WDR70: variants seen among roughly 807,000 people sequenced by gnomAD.
The protein encoded by WDR70 is WD repeat-containing protein 70.
Under a neutral mutation model 88.6 loss-of-function variants are expected in WDR70, and 53 were observed. The observed-to-expected ratio is 0.60, with a 90% confidence interval of 0.48 to 0.75. The LOEUF (loss-of-function observed/expected upper bound fraction) is 0.75, where lower values mean the gene tolerates loss of function less well. Among genes scored for constraint, WDR70 ranks in the 30% least tolerant of loss-of-function variants. WDR70 has a pLI of 0.00. For missense variants in WDR70, 610 were observed against 823.2 expected, an observed-to-expected ratio of 0.74 and a Z score of 3.17; for synonymous variants, 280 against 270.0, an observed-to-expected ratio of 1.04 and a Z score of -0.36.
intron 17 of WDR70, among the ~76,000 whole-genome samples, chr5:37,734,965 G>A (rs544433260): frequency 6.6e-6 from 1 of 152,196 alleles, no homozygotes; most frequent in South Asian, 2.1e-4. Context: ...AAAATTTTGT[G>A]TATTTTTCTT....
chr5:37,462,802 A>C (rs1739046987), intron 7 of WDR70, among the ~76,000 whole-genome samples: 1 of 151,900 alleles, frequency 6.6e-6, no homozygotes, highest in Non-Finnish European at 1.5e-5. Flanking sequence ...AGGTGTCTTT[A>C]TGTATATTAT....
chr5:37,539,078 C>G (rs490035), intron 9 of WDR70, among the ~76,000 whole-genome samples: 4,413 of 152,252 alleles, frequency 0.029, 226 homozygotes, highest in African/African-American at 0.1. Flanking sequence ...AAGGGTTTTT[C>G]TATTACATAC....
At position 37,382,530 on chromosome 5, in the gene WDR70, GC is replaced by G. The variant is rs1160020564; in HGVS notation, c.175+851del. ...CGGTTCAAGCAATTTTCCTGCCTCA[GC>G]CCCCCAGGTAGCTGGGACTACAGGT... On this transcript the variant is annotated intron_variant, in intron 3 of 17. Transcript: ENST00000265107. 2.2e-4 allele frequency among the ~76,000 whole-genome samples: 34 copies of G among 151,722 alleles called. No individual in the cohort carries two copies. The East Asian group carries it at 6.6e-3, about 30-fold the overall frequency.
intron 9 of WDR70, among the ~76,000 whole-genome samples, chr5:37,572,738 T>C (rs1742944595): frequency 6.6e-6 from 1 of 152,196 alleles, no homozygotes; most frequent in South Asian, 2.1e-4. Flanking sequence ...TGAGTTCAAA[T>C]CACCATCAGT....
chr5:37,461,371 TGG>T (rs1738998400), intron 7 of WDR70, among the ~76,000 whole-genome samples: 1 of 152,042 alleles, frequency 6.6e-6, no homozygotes, highest in African/African-American at 2.4e-5. Context: ...TTGTGGCCAG[TGG>T]AATGTGTCTG....
chr5:37,636,040 G>T (rs1013210723), intron 10 of WDR70, among the ~76,000 whole-genome samples: 7 of 152,190 alleles, frequency 4.6e-5, no homozygotes, highest in African/African-American at 1.7e-4. Context: ...CTGTGGAACT[G>T]TAAGTCAATT....
intron 10 of WDR70, among the ~76,000 whole-genome samples, chr5:37,673,559 G>T (rs867836943): frequency 1.4e-5 from 2 of 144,528 alleles, no homozygotes; most frequent in African/African-American, 2.6e-5. Flanking sequence ...CTTCATGAGC[G>T]CCTGCTATTT....
intron 9 of WDR70, among the ~76,000 whole-genome samples, chr5:37,552,699 C>A (rs1261799295): frequency 6.6e-6 from 1 of 152,178 alleles, no homozygotes; most frequent in African/African-American, 2.4e-5. Context: ...AATTTTTCTT[C>A]AGTTAAACTC....
At chr5:37,632,200 A>G (rs1329963517) in intron 10 of WDR70, among the ~76,000 whole-genome samples, 2 of 152,218 alleles carry the variant, frequency 1.3e-5, no homozygotes, top group African/African-American at 2.4e-5. Flanking sequence ...ATGCTGGTAT[A>G]AACAAACCTA....
intron 5 of WDR70, among the ~76,000 whole-genome samples, chr5:37,424,390 CA>C (rs1750056214): frequency 7.4e-6 from 1 of 135,858 alleles, no homozygotes; most frequent in East Asian, 2.1e-4. Context: ...TTGCAAGTGA[CA>C]ATTTAATTTT....
intron 8 of WDR70, among the ~76,000 whole-genome samples, chr5:37,503,967 T>C (rs1740479207): frequency 6.6e-6 from 1 of 152,142 alleles, no homozygotes; most frequent in Admixed American, 6.5e-5. Flanking sequence ...AGTTGTAATG[T>C]CTTCTGGATT....
chr5:37,589,541 A>C (rs1256615901), intron 9 of WDR70, among the ~76,000 whole-genome samples: 1 of 151,890 alleles, frequency 6.6e-6, no homozygotes, highest in Non-Finnish European at 1.5e-5. Context: ...TTCCCTTCTT[A>C]ATCAGCTACC....
At chr5:37,672,314 A>G (rs2043787149) in intron 10 of WDR70, among the ~76,000 whole-genome samples, 1 of 152,040 alleles carries the variant, frequency 6.6e-6, no homozygotes, top group Admixed American at 6.6e-5. Flanking sequence ...ACACCCGTGA[A>G]GCGTCTGTGC....
intron 10 of WDR70, among the ~76,000 whole-genome samples, chr5:37,629,057 T>C (rs1744743622): frequency 6.6e-6 from 1 of 152,212 alleles, no homozygotes; most frequent in Non-Finnish European, 1.5e-5. Context: ...TATTTTTAGC[T>C]AGCAGGGTTT....
chr5:37,394,422 T>C (rs1264199587), intron 4 of WDR70, among the ~76,000 whole-genome samples: 2 of 152,176 alleles, frequency 1.3e-5, no homozygotes, highest in Non-Finnish European at 2.9e-5. Flanking sequence ...TTACTGAGCA[T>C]CTACTGTGGA....
rs375272980 is a variant in WDR70, at chr5:37,712,695, CT to C, written c.1417-8415del. 3.2e-3 allele frequency among the ~76,000 whole-genome samples: 486 copies of C among 151,976 alleles called. 2 individuals carry two copies. Among genetic ancestry groups the C allele is most frequent in the Non-Finnish European group, 4.1e-3 (281 of 67,946 alleles). On this transcript the variant is annotated intron_variant, in intron 13 of 17. Coordinates refer to ENST00000265107, the MANE Select transcript of WDR70 (RefSeq NM_018034.4). ...TCTTTATTATCTCTTTAAAAAAAAACTTTTTAATTTTATTTTTATTTTTTGA... is the reference window on the plus strand; with the variant it reads ...TCTTTATTATCTCTTTAAAAAAAAACTTTTAATTTTATTTTTATTTTTTGA...
At chr5:37,661,168 G>A (rs77306914) in intron 10 of WDR70, among the ~76,000 whole-genome samples, 4,727 of 152,284 alleles carry the variant, frequency 0.031, 91 homozygotes, top group Non-Finnish European at 0.04. Context: ...CACAGTAGCC[G>A]TTTTTAATGA....
chr5:37,638,791 C>T (rs372566711), intron 10 of WDR70, among the ~76,000 whole-genome samples: 8 of 152,278 alleles, frequency 5.3e-5, no homozygotes, highest in African/African-American at 1.9e-4. Flanking sequence ...TGTACATCAT[C>T]TGAGTTTTTG....
chr5:37,654,058 C>T (rs1467811088), intron 10 of WDR70, among the ~76,000 whole-genome samples: 2 of 152,094 alleles, frequency 1.3e-5, no homozygotes, highest in African/African-American at 2.4e-5. Context: ...TTAGATGTTT[C>T]CCGCTTTCTC....
Sources: allele counts gnomAD v4.1 joint callset (sites outside exome capture counted in the v4.1 genomes callset), GRCh38; gene constraint gnomAD v4.1.1; transcripts MANE v1.5; gene names NCBI Gene and HGNC (gene_info 2026-07-23, HGNC 2026-07-21).